Variants in TTC6 observed in about 807,000 individuals in gnomAD.
The protein encoded by TTC6 is tetratricopeptide repeat protein 6.
TTC6 carries 172 observed loss-of-function variants against 210.4 expected under a neutral mutation model. The observed-to-expected ratio is 0.82, with a 90% CI of 0.72 to 0.93. The LOEUF is 0.93. TTC6 is among the 40% of genes least tolerant of loss of function. The pLI is 0.00. For synonymous variants in TTC6, 804 were observed against 819.6 expected, an observed-to-expected ratio of 0.98 and a Z score of 0.32; for missense variants, 2,414 against 2,318.1, an observed-to-expected ratio of 1.04 and a Z score of -0.85.
At chr14:37,753,815 A>G (rs61068167) in intron 14 of TTC6, among the ~76,000 whole-genome samples, 123 of 151,578 alleles carry the variant, frequency 8.1e-4, no homozygotes, top group African/African-American at 2.7e-3. Context: ...CCTGGCTTCA[A>G]GGGATGTACT....
intron 1 of TTC6, among the ~76,000 whole-genome samples, chr14:37,623,294 C>T (rs1185004816): frequency 1.3e-5 from 2 of 152,128 alleles, no homozygotes; most frequent in Non-Finnish European, 2.9e-5. Flanking sequence ...TCACTAGGAG[C>T]CTTCCCCTTC....
chr14:37,814,533 C>T (rs1490609766), intron 25 of TTC6, among the ~76,000 whole-genome samples: 1 of 152,032 alleles, frequency 6.6e-6, no homozygotes, highest in African/African-American at 2.4e-5. Context: ...CAAAATCCAG[C>T]CACACCAGTA....
chr14:37,644,662 A>T (rs942047327), intron 1 of TTC6, among the ~76,000 whole-genome samples: 9 of 152,184 alleles, frequency 5.9e-5, no homozygotes, highest in Admixed American at 1.3e-4. Flanking sequence ...AGAGACTCTT[A>T]TGGCTCAAAG....
At chr14:37,830,908 TCAAA>T (rs1337211456) in intron 29 of TTC6, among the ~76,000 whole-genome samples, 1 of 152,136 alleles carries the variant, frequency 6.6e-6, no homozygotes, top group Non-Finnish European at 1.5e-5. Flanking sequence ...ATGCATCACC[TCAAA>T]CATTTATCGT....
At chr14:37,758,706 G>T (rs941920498) in intron 14 of TTC6, among the ~76,000 whole-genome samples, 1 of 152,128 alleles carries the variant, frequency 6.6e-6, no homozygotes, top group African/African-American at 2.4e-5. Context: ...ATATTGTGTT[G>T]TGTGAATTTT....
rs142569735 is a variant in TTC6, at chr14:37,840,522, G to A, written c.5299-923G>A. On this transcript the variant is annotated intron_variant, in intron 29 of 30. Coordinates refer to ENST00000553443, the Ensembl canonical transcript of TTC6. ...AGCATCATCCTGATGTCAAAACCTG[G>A]CAGAGACACAACAAAACAAAAAAAA... is the stretch of plus-strand genomic sequence containing the variant. Among the ~76,000 whole-genome samples the A allele has an allele frequency of 4.6e-3, 705 of 151,940 alleles. 4 individuals carry two copies. The highest frequency in any genetic ancestry group is 0.014 in the Middle Eastern group (4 of 294).
intron 14 of TTC6, among the ~76,000 whole-genome samples, chr14:37,779,671 A>G (rs1166075480): frequency 6.6e-6 from 1 of 152,194 alleles, no homozygotes; most frequent in African/African-American, 2.4e-5. Flanking sequence ...ATTTGCTGAG[A>G]GGGCAAAATT....
intron 9 of TTC6, among the ~76,000 whole-genome samples, 184 bp downstream of exon 11, chr14:37,737,918 C>T (rs1178263726): frequency 1.3e-5 from 2 of 151,602 alleles, no homozygotes; most frequent in Non-Finnish European, 2.9e-5. Flanking sequence ...GTCAATATCT[C>T]TGTTGTACTT....
intron 1 of TTC6, among the ~76,000 whole-genome samples, chr14:37,663,378 G>A: frequency 6.6e-6 from 1 of 152,072 alleles, no homozygotes; most frequent in East Asian, 1.9e-4. Flanking sequence ...AAAATTAAAT[G>A]ACTGTGGAAA....
intron 7 of TTC6, among the ~76,000 whole-genome samples, chr14:37,726,856 G>A (rs895784855): frequency 1.3e-5 from 2 of 151,968 alleles, no homozygotes; most frequent in Non-Finnish European, 2.9e-5. Context: ...TATAAGTTAT[G>A]TACATAGAGT....
At chr14:37,618,909 G>A (rs2095646882), upstream of TTC6, among the ~76,000 whole-genome samples, 1 of 152,142 alleles carries the variant, frequency 6.6e-6, no homozygotes, top group Non-Finnish European at 1.5e-5. Flanking sequence ...AGTGCAAGTG[G>A]GAGAGTCAAG....
At chr14:37,681,227 A>G (rs2095782841) in intron 2 of TTC6, among the ~76,000 whole-genome samples, 1 of 152,244 alleles carries the variant, frequency 6.6e-6, no homozygotes, top group South Asian at 2.1e-4. Flanking sequence ...GTTTACAAAT[A>G]TATATCAAAA....
Position 37,711,110 on chromosome 14 carries a change from A to G in TTC6, c.1572-3545A>G, listed in dbSNP as rs114518211. Reference sequence around the variant, plus strand: ...ACTAATGATGCTCGATAGGGAATACACTTTGAGAACTACCCAGCATCTCCT... The same window carrying G: ...ACTAATGATGCTCGATAGGGAATACGCTTTGAGAACTACCCAGCATCTCCT... On this transcript the variant is annotated intron_variant, in intron 5 of 30. Coordinates refer to ENST00000553443, the Ensembl canonical transcript of TTC6. Among the ~76,000 whole-genome samples the G allele has an allele frequency of 4.1e-3, 625 of 152,222 alleles. 8 individuals carry two copies. The Middle Eastern group carries it at 0.068, about 17-fold the overall frequency.
At chr14:37,781,529 G>C (rs900213533) in intron 14 of TTC6, among the ~76,000 whole-genome samples, 2 of 152,010 alleles carry the variant, frequency 1.3e-5, no homozygotes, top group African/African-American at 4.8e-5. Context: ...GATATTAGCC[G>C]TTTGTCAGAT....
chr14:37,688,893 A>G (rs1303647193), intron 3 of TTC6, among the ~76,000 whole-genome samples: 1 of 152,170 alleles, frequency 6.6e-6, no homozygotes, highest in African/African-American at 2.4e-5. Flanking sequence ...TAGCTCTTCA[A>G]TGCCAAGACA....
intron 14 of TTC6, among the ~76,000 whole-genome samples, chr14:37,768,557 G>T (rs915981617): frequency 2.0e-5 from 3 of 152,016 alleles, no homozygotes; most frequent in Non-Finnish European, 4.4e-5. Context: ...TATTCTCCTT[G>T]AAGCAATTGT....
chr14:37,649,553 C>A (rs950917047), intron 1 of TTC6, among the ~76,000 whole-genome samples: 2 of 152,142 alleles, frequency 1.3e-5, no homozygotes, highest in African/African-American at 4.8e-5. Context: ...GTCATTTATT[C>A]TTTGTATTCC....
intron 14 of TTC6, among the ~76,000 whole-genome samples, chr14:37,762,560 T>C (rs1407573650): frequency 1.3e-5 from 2 of 152,228 alleles, no homozygotes; most frequent in African/African-American, 4.8e-5. Context: ...CCTAATGATG[T>C]TGAGCATTTT....
At chr14:37,725,363 T>G (rs1379380959) in intron 7 of TTC6, among the ~76,000 whole-genome samples, 1 of 139,276 alleles carries the variant, frequency 7.2e-6, no homozygotes, top group Non-Finnish European at 1.5e-5. Context: ...TATATAATTT[T>G]TTTTGAGATG....
Sources: gnomAD v4.1 joint callset for allele counts (sites outside exome capture counted in the v4.1 genomes callset) on GRCh38, gnomAD v4.1.1 for gene constraint, MANE v1.5 for transcripts, NCBI Gene and HGNC (gene_info 2026-07-23, HGNC 2026-07-21) for gene names.